Variants in LRRTM4 observed in about 807,000 individuals in gnomAD.
The protein encoded by LRRTM4 is leucine-rich repeat transmembrane neuronal protein 4.
In LRRTM4, 25 loss-of-function variants were observed where a neutral mutation model predicts 47.6. That is an observed-to-expected ratio of 0.53 (90% CI 0.38 to 0.73). The LOEUF is 0.73. Among genes scored for constraint, LRRTM4 ranks in the 30% least tolerant of loss-of-function variants. The pLI is 0.00. For synonymous variants in LRRTM4, 311 were observed against 269.5 expected (o/e 1.15, Z -1.51); for missense variants, 638 against 713.4 (o/e 0.89, Z 1.20).
chr2:77,517,373 T>A, intron 3 of LRRTM4: 1 of 981,906 alleles, frequency 1.0e-6, no homozygotes, highest in Non-Finnish European at 1.2e-6. Context: ...AATATTTGTA[T>A]CACTTATTTT....
At chr2:77,083,919 C>G (rs2103863512) in intron 3 of LRRTM4, among the ~76,000 whole-genome samples, 1 of 150,446 alleles carries the variant, frequency 6.6e-6, no homozygotes, top group African/African-American at 2.4e-5. Context: ...ATTCTCCTGC[C>G]TCAGCCTCCC....
At chr2:77,050,824 C>T (rs1326205273) in intron 3 of LRRTM4, among the ~76,000 whole-genome samples, 1 of 152,090 alleles carries the variant, frequency 6.6e-6, no homozygotes, top group African/African-American at 2.4e-5. Context: ...AGTAAATACA[C>T]TTTAACTTCT....
chr2:76,800,008 G>A (rs112317489), intron 3 of LRRTM4, among the ~76,000 whole-genome samples: 44,559 of 150,912 alleles, frequency 0.3, 7,641 homozygotes, highest in East Asian at 0.57. Context: ...AATCAATATC[G>A]TGAAAATGGT....
At chr2:76,966,478 T>G (rs1019366944) in intron 3 of LRRTM4, among the ~76,000 whole-genome samples, 97 of 151,488 alleles carry the variant, frequency 6.4e-4, no homozygotes, top group Non-Finnish European at 1.4e-3. Context: ...TGAATCCTTT[T>G]CAGAAAATTT....
intron 3 of LRRTM4, among the ~76,000 whole-genome samples, chr2:77,058,912 T>A (rs1167478276): frequency 6.6e-6 from 1 of 152,146 alleles, no homozygotes; most frequent in Non-Finnish European, 1.5e-5. Context: ...ATTGCTTGAT[T>A]TTAAAATGGA....
intron 3 of LRRTM4, among the ~76,000 whole-genome samples, chr2:76,984,172 C>T (rs1676712627): frequency 6.6e-6 from 1 of 150,866 alleles, no homozygotes; most frequent in Admixed American, 6.6e-5. Context: ...AATCATCTGA[C>T]TGAGAATTAA....
intron 3 of LRRTM4, among the ~76,000 whole-genome samples, chr2:76,977,513 C>T (rs553245935): frequency 6.6e-6 from 1 of 152,006 alleles, no homozygotes; most frequent in East Asian, 2.0e-4. Flanking sequence ...TAAGCATTAA[C>T]CCACTGCAGT....
chr2:76,805,729 A>G (rs1483320192), intron 3 of LRRTM4, among the ~76,000 whole-genome samples: 1 of 152,184 alleles, frequency 6.6e-6, no homozygotes, highest in Non-Finnish European at 1.5e-5. Flanking sequence ...TTAAACCATC[A>G]CGCATCCACC....
intron 3 of LRRTM4, among the ~76,000 whole-genome samples, chr2:76,964,389 G>T (rs757226156): frequency 4.4e-4 from 66 of 150,848 alleles, no homozygotes; most frequent in Admixed American, 1.1e-3. Flanking sequence ...ATAAATTCAG[G>T]TCTACCATAC....
intron 3 of LRRTM4, among the ~76,000 whole-genome samples, chr2:77,107,155 C>T (rs568889834): frequency 6.6e-6 from 1 of 151,958 alleles, no homozygotes; most frequent in Non-Finnish European, 1.5e-5. Flanking sequence ...TAAGAAAAGA[C>T]AATAGGAAAG....
intron 3 of LRRTM4, among the ~76,000 whole-genome samples, chr2:77,171,774 T>C: frequency 6.6e-6 from 1 of 152,182 alleles, no homozygotes; most frequent in South Asian, 2.1e-4. Context: ...AAATGGCTTA[T>C]AAATATTTTT....
At position 77,450,307 on chromosome 2, in the gene LRRTM4, A is replaced by G. The variant is rs577586296; in HGVS notation, c.1551+68011T>C. Among the ~76,000 whole-genome samples the G allele has an allele frequency of 5.9e-4, 89 of 151,794 alleles. 1 individual carries two copies. The highest frequency in any genetic ancestry group is 5.0e-3 in the East Asian group (26 of 5,152). On this transcript the variant is annotated intron_variant, in intron 3 of 3. Coordinates refer to ENST00000409884, the MANE Select transcript of LRRTM4 (RefSeq NM_001134745.3). Reference sequence around the variant, plus strand: ...CATGCACACACACACACACACACACACAAACACAGACACACACACACATAC... The same window carrying G: ...CATGCACACACACACACACACACACGCAAACACAGACACACACACACATAC...
intron 3 of LRRTM4, among the ~76,000 whole-genome samples, chr2:77,374,325 T>C (rs1463191805): frequency 4.0e-5 from 6 of 151,722 alleles, no homozygotes; most frequent in African/African-American, 1.4e-4. Flanking sequence ...GAAAATGCAA[T>C]AAAATTAGGC....
intron 3 of LRRTM4, among the ~76,000 whole-genome samples, chr2:77,232,357 C>CTTAAA (rs776094205): frequency 6.6e-6 from 1 of 152,082 alleles, no homozygotes; most frequent in Non-Finnish European, 1.5e-5. Context: ...AGTTTGAGTC[C>CTTAAA]TTAAATTCTA....
intron 3 of LRRTM4, among the ~76,000 whole-genome samples, chr2:77,217,604 T>A (rs1674493659): frequency 6.6e-6 from 1 of 151,652 alleles, no homozygotes; most frequent in Non-Finnish European, 1.5e-5. Flanking sequence ...GGGGTCATGT[T>A]GGTTCTGCTC....
rs550661973 is a variant in LRRTM4, at chr2:77,397,844, C to T, written c.1551+120474G>A. Among the ~76,000 whole-genome samples, 19 of 151,910 alleles carry T rather than the reference C, an allele frequency of 1.3e-4. No individual in the cohort carries two copies. In the South Asian group the frequency reaches 3.1e-3, roughly 25 times the overall value. ...AGGGAGACTCTGCACCAAGTGTATA[C>T]GATTCCATTGGTAGTGATGGTTCCC... is the stretch of plus-strand genomic sequence containing the variant. On this transcript the variant is annotated intron_variant, in intron 3 of 3. Transcript: ENST00000409884.
chr2:77,130,161 G>T (rs72807277), intron 3 of LRRTM4, among the ~76,000 whole-genome samples: 2 of 152,118 alleles, frequency 1.3e-5, no homozygotes, highest in African/African-American at 4.8e-5. Flanking sequence ...CCAGTGCTTT[G>T]TAATAAATCT....
chr2:76,868,200 T>C (rs960034240), intron 3 of LRRTM4, among the ~76,000 whole-genome samples: 2 of 152,224 alleles, frequency 1.3e-5, no homozygotes, highest in Non-Finnish European at 2.9e-5. Flanking sequence ...TTTTAGAATA[T>C]GATTTCCATC....
intron 3 of LRRTM4, among the ~76,000 whole-genome samples, chr2:77,258,604 A>C (rs193257800): frequency 2.3e-3 from 356 of 152,178 alleles, no homozygotes; most frequent in African/African-American, 8.1e-3. Flanking sequence ...AGGAAAAAAA[A>C]ACAAAATAAT....
Sources: gnomAD v4.1 joint callset for allele counts (sites outside exome capture counted in the v4.1 genomes callset) on GRCh38, gnomAD v4.1.1 for gene constraint, MANE v1.5 for transcripts, NCBI Gene and HGNC (gene_info 2026-07-23, HGNC 2026-07-21) for gene names.